Variants in ORC4 observed in about 807,000 individuals in gnomAD.
The protein encoded by ORC4 is origin recognition complex, subunit 4 homolog.
In ORC4, 55 loss-of-function variants were observed where a neutral mutation model predicts 63.9. The ratio of observed to expected loss-of-function variants is 0.86; its 90% CI spans 0.69 to 1.08. The LOEUF is 1.08. Ranked by LOEUF, ORC4 falls within the 50% of genes least tolerant of loss-of-function variation. The pLI, the probability that ORC4 is intolerant of heterozygous loss-of-function variation, is 0.00. For synonymous variants in ORC4, 150 were observed against 168.5 expected, an observed-to-expected ratio of 0.89 and a Z score of 0.85; for missense variants, 511 against 504.4, an observed-to-expected ratio of 1.01 and a Z score of -0.13.
At position 147,943,306 on chromosome 2, in the gene ORC4, T is replaced by G; in HGVS notation, c.849+130A>C. On this transcript the variant is annotated intron_variant, in intron 10 of 13. Transcript: ENST00000392857. Reference sequence around the variant, plus strand: ...TGGTTGATGCTTGTAATGTCAGCACTTAGGGAGGCAGAGGTGGGAGGATGG... The same window carrying G: ...TGGTTGATGCTTGTAATGTCAGCACGTAGGGAGGCAGAGGTGGGAGGATGG... The G allele has an allele frequency of 4.3e-6, 3 of 692,332 alleles. No homozygotes were observed. The South Asian group carries it at 4.6e-5, about 11-fold the overall frequency. 42.9% of individuals were successfully genotyped at this position (692,332 alleles called of 1,614,324 possible). A position where few individuals can be genotyped will look rare whatever the true frequency, so the allele number is the denominator to read the frequency against.
At chr2:148,014,601 A>G (rs913809686) in intron 1 of ORC4, among the ~76,000 whole-genome samples, 1 of 152,194 alleles carries the variant, frequency 6.6e-6, no homozygotes, top group African/African-American at 2.4e-5. Flanking sequence ...AACAAACAAC[A>G]AATGAACTAT....
intron 1 of ORC4, among the ~76,000 whole-genome samples, chr2:148,017,369 T>G (rs1693368742): frequency 6.6e-6 from 1 of 152,244 alleles, no homozygotes; most frequent in African/African-American, 2.4e-5. Flanking sequence ...TGATCTATAT[T>G]TTTATATAAT....
intron 1 of ORC4, among the ~76,000 whole-genome samples, chr2:147,998,571 C>T (rs1049934501): frequency 6.6e-6 from 1 of 152,142 alleles, no homozygotes; most frequent in African/African-American, 2.4e-5. Flanking sequence ...CCTTGTCCAC[C>T]GTGTTGTGAA....
chr2:147,961,608 C>T (rs1481453432), intron 4 of ORC4, among the ~76,000 whole-genome samples: 3 of 152,118 alleles, frequency 2.0e-5, no homozygotes, highest in African/African-American at 7.2e-5. Context: ...TCTCTTCAAC[C>T]TGCCAGCATC....
At chr2:147,990,293 G>A (rs1270917498) in intron 1 of ORC4, among the ~76,000 whole-genome samples, 4 of 152,154 alleles carry the variant, frequency 2.6e-5, no homozygotes, top group Non-Finnish European at 5.9e-5. Flanking sequence ...TTTGAAGGTG[G>A]TTTCCATGTT....
intron 1 of ORC4, among the ~76,000 whole-genome samples, chr2:148,017,019 T>G (rs1693340034): frequency 6.6e-6 from 1 of 152,182 alleles, no homozygotes; most frequent in South Asian, 2.1e-4. Context: ...ACCATCAGAA[T>G]GTCTGCATTA....
chr2:147,952,617 C>A, intron 7 of ORC4, 93 bp from the exon 8 acceptor site: 1 of 983,086 alleles, frequency 1.0e-6, no homozygotes, highest in South Asian at 1.4e-5. Flanking sequence ...TTTTAAAACT[C>A]AATTCTGTAA....
chr2:147,936,744 G>A (rs1688069895), intron 13 of ORC4: 1 of 152,180 alleles, frequency 6.6e-6, no homozygotes, highest in Non-Finnish European at 1.5e-5. Context: ...ATGCAGGCTG[G>A]GCGCAGTGGC....
chr2:148,000,853 C>T (rs1692258016), intron 1 of ORC4, among the ~76,000 whole-genome samples: 1 of 151,974 alleles, frequency 6.6e-6, no homozygotes, highest in Non-Finnish European at 1.5e-5. Context: ...AAAAATTAAA[C>T]TATCAATGGG....
At chr2:147,950,524 T>C (rs1688892644) in intron 8 of ORC4, among the ~76,000 whole-genome samples, 1 of 152,098 alleles carries the variant, frequency 6.6e-6, no homozygotes, top group African/African-American at 2.4e-5. Flanking sequence ...CCCAGCACTT[T>C]GGGAGGCCAA....
At chr2:147,964,223 A>T (rs1235073744) in intron 4 of ORC4, among the ~76,000 whole-genome samples, 4 of 152,166 alleles carry the variant, frequency 2.6e-5, no homozygotes, top group Non-Finnish European at 5.9e-5. Flanking sequence ...AATCAGAAAA[A>T]CAACTTGTGA....
At chr2:148,002,778 G>A (rs1232601584) in intron 1 of ORC4, among the ~76,000 whole-genome samples, 2 of 152,048 alleles carry the variant, frequency 1.3e-5, no homozygotes, top group Non-Finnish European at 1.5e-5. Context: ...AGAACTGAAG[G>A]AGATAGAGAC....
rs548368691 is a variant in ORC4 at position 147,995,797 on chromosome 2, T to A, written c.-17-19822A>T. Among the ~76,000 whole-genome samples the A allele has an allele frequency of 7.2e-5, 11 of 152,074 alleles. No individual in the cohort carries two copies. The East Asian group carries it at 2.1e-3, about 30-fold the overall frequency. ...CAAACAAACTCCAGACACACCATCT[T>A]TAAGAGCTTTAACATTCACTGCGAG... On this transcript the variant is annotated intron_variant, in intron 1 of 13. Transcript: ENST00000392857.
At chr2:147,964,894 C>CA (rs2105330712) in intron 4 of ORC4, among the ~76,000 whole-genome samples, 1 of 152,028 alleles carries the variant, frequency 6.6e-6, no homozygotes, top group African/African-American at 2.4e-5. Flanking sequence ...CCTGACAGGA[C>CA]AGAGGGGAAT....
chr2:148,009,092 A>T (rs531296499), intron 1 of ORC4, among the ~76,000 whole-genome samples: 1 of 152,258 alleles, frequency 6.6e-6, no homozygotes, highest in African/African-American at 2.4e-5. Context: ...AGTTGTCATC[A>T]GTTGCAAATA....
chr2:147,958,264 G>T, intron 6 of ORC4, 34 bp downstream of exon 6: 2 of 1,333,370 alleles, frequency 1.5e-6, no homozygotes, highest in South Asian at 1.2e-5. Flanking sequence ...TACCTTAAAA[G>T]TCTATTTAAT....
intron 9 of ORC4, among the ~76,000 whole-genome samples, chr2:147,945,656 C>T (rs1290589507): frequency 6.6e-6 from 1 of 152,106 alleles, no homozygotes; most frequent in Non-Finnish European, 1.5e-5. Flanking sequence ...AGGGCTAAAA[C>T]AAACCTTCAA....
At chr2:147,985,398 A>G (rs17218896) in intron 1 of ORC4, among the ~76,000 whole-genome samples, 177 of 152,194 alleles carry the variant, frequency 1.2e-3, no homozygotes, top group African/African-American at 4.0e-3. Flanking sequence ...GGGTTTCACC[A>G]TGTTAGCCAG....
intron 4 of ORC4, among the ~76,000 whole-genome samples, chr2:147,965,864 T>C (rs1274139790): frequency 6.6e-6 from 1 of 152,090 alleles, no homozygotes; most frequent in Non-Finnish European, 1.5e-5. Flanking sequence ...AGCAAAATCC[T>C]ATCAAGTATC....
Sources: gnomAD v4.1 joint callset for allele counts (sites outside exome capture counted in the v4.1 genomes callset) on GRCh38, gnomAD v4.1.1 for gene constraint, MANE v1.5 for transcripts, NCBI Gene and HGNC (gene_info 2026-07-23, HGNC 2026-07-21) for gene names.